Variants in GRID2 observed in about 807,000 individuals in gnomAD.
GRID2 encodes glutamate ionotropic receptor delta type subunit 2, also known as glutamate receptor ionotropic, delta-2.
In GRID2, 33 loss-of-function variants were observed where a neutral mutation model predicts 114.8. That is an observed-to-expected ratio of 0.29 (90% CI 0.22 to 0.38). GRID2 has a LOEUF of 0.38. Ranked by LOEUF, GRID2 falls within the 10% of genes least tolerant of loss-of-function variation. The probability of loss-of-function intolerance (pLI) is 1.00; values close to 1 mark genes in which losing one functional copy is unlikely to be tolerated. For synonymous variants in GRID2, 505 were observed against 449.9 expected (o/e 1.12, Z -1.55); for missense variants, 1,184 against 1,257.7 (o/e 0.94, Z 0.89).
chr4:93,799,003 C>A (rs1041814985), intron 1 of GRID2, among the ~76,000 whole-genome samples: 2 of 152,188 alleles, frequency 1.3e-5, no homozygotes, highest in Non-Finnish European at 2.9e-5. Flanking sequence ...CTCACTGAGG[C>A]TCAGAGAACA....
At chr4:93,412,235 C>A (rs548054125) in intron 9 of GRID2, among the ~76,000 whole-genome samples, 31 of 151,026 alleles carry the variant, frequency 2.1e-4, no homozygotes, top group East Asian at 1.6e-3. Flanking sequence ...CCCATCCCCC[C>A]CCCCCAAAAA....
chr4:93,187,428 A>G (rs1401076361), intron 4 of GRID2, among the ~76,000 whole-genome samples: 3 of 152,004 alleles, frequency 2.0e-5, no homozygotes, highest in African/African-American at 7.2e-5. Flanking sequence ...AGCATGTGCC[A>G]CCACACCCAA....
chr4:93,728,450 A>G (rs1003672367), intron 14 of GRID2, among the ~76,000 whole-genome samples: 5 of 152,138 alleles, frequency 3.3e-5, no homozygotes, highest in Non-Finnish European at 7.3e-5. Context: ...TGCTGAAAAA[A>G]ATGTATATTC....
At chr4:93,570,938 C>A (rs775716071) in intron 13 of GRID2, among the ~76,000 whole-genome samples, 2 of 152,128 alleles carry the variant, frequency 1.3e-5, no homozygotes, top group Admixed American at 6.6e-5. Flanking sequence ...CTAAAGAAAA[C>A]TACTTCCCTC....
chr4:92,493,448 T>C (rs1052647301), intron 1 of GRID2, among the ~76,000 whole-genome samples: 6 of 152,170 alleles, frequency 3.9e-5, no homozygotes, highest in African/African-American at 1.4e-4. Context: ...CATAAAATTC[T>C]AAAGCTACTT....
At chr4:93,421,934 CATGA>C (rs1316130846) in intron 9 of GRID2, among the ~76,000 whole-genome samples, 1 of 151,662 alleles carries the variant, frequency 6.6e-6, no homozygotes, top group Non-Finnish European at 1.5e-5. Context: ...CTACATACAC[CATGA>C]ATGGTTATCT....
intron 2 of GRID2, among the ~76,000 whole-genome samples, chr4:93,075,883 C>CTCTTTTTTTTTT (rs1490779668): frequency 3.9e-5 from 3 of 76,608 alleles, no homozygotes; most frequent in African/African-American, 1.6e-4. Context: ...AGTTACCTCT[C>CTCTTTTTTTTTT]TTTTTTTTTT....
At chr4:93,014,956 A>G (rs181908520) in intron 2 of GRID2, among the ~76,000 whole-genome samples, 2 of 152,254 alleles carry the variant, frequency 1.3e-5, no homozygotes, top group Non-Finnish European at 2.9e-5. Context: ...GGAAAAATAA[A>G]AAGATGGTGA....
intron 2 of GRID2, among the ~76,000 whole-genome samples, chr4:92,866,264 A>T (rs1327215688): frequency 6.6e-6 from 1 of 152,162 alleles, no homozygotes; most frequent in East Asian, 1.9e-4. Context: ...TCTCTGATAC[A>T]CTCTTACCCA....
At chr4:93,796,291 C>T (rs1734798662) in intron 1 of GRID2, among the ~76,000 whole-genome samples, 1 of 152,102 alleles carries the variant, frequency 6.6e-6, no homozygotes, top group South Asian at 2.1e-4. Context: ...ACAAGTCTTC[C>T]CTACACGCAA....
At chr4:92,801,479 G>A (rs547046230) in intron 2 of GRID2, among the ~76,000 whole-genome samples, 2 of 151,864 alleles carry the variant, frequency 1.3e-5, no homozygotes, top group Admixed American at 6.6e-5. Flanking sequence ...ACTGCAGAGT[G>A]TACCTTTTCT....
intron 8 of GRID2, among the ~76,000 whole-genome samples, chr4:93,304,527 GA>G (rs1755214452): frequency 6.6e-6 from 1 of 151,752 alleles, no homozygotes; most frequent in African/African-American, 2.4e-5. Context: ...CAATAAGAAT[GA>G]AAAAAACAAT....
intron 1 of GRID2, among the ~76,000 whole-genome samples, chr4:92,434,712 CAAATT>C (rs1732645712): frequency 2.0e-5 from 3 of 151,638 alleles, no homozygotes; most frequent in Non-Finnish European, 2.9e-5. Context: ...AAATGAATAG[CAAATT>C]AAATAAAGCA....
chr4:93,599,631 T>C (rs986870910), intron 13 of GRID2, among the ~76,000 whole-genome samples: 3 of 152,206 alleles, frequency 2.0e-5, no homozygotes, highest in African/African-American at 7.2e-5. Flanking sequence ...AATGTTATGT[T>C]CTGATTCCAG....
intron 13 of GRID2, among the ~76,000 whole-genome samples, chr4:93,588,518 C>T (rs1054672262): frequency 6.6e-6 from 1 of 152,110 alleles, no homozygotes; most frequent in African/African-American, 2.4e-5. Flanking sequence ...AGTAACTATT[C>T]AAGGGAGAAG....
At chr4:93,716,392 G>T (rs1229018830) in intron 14 of GRID2, among the ~76,000 whole-genome samples, 1 of 152,138 alleles carries the variant, frequency 6.6e-6, no homozygotes. Flanking sequence ...CTCTAGGTCA[G>T]CTGTGCCAGT....
chr4:92,941,888 T>C lies in GRID2; in HGVS notation c.245-143107T>C, dbSNP rs192904248. On this transcript the variant is annotated intron_variant, in intron 2 of 15. Transcript: ENST00000282020. ...ATGTAGTTGAGTGGTTTTGAGTGAC[T>C]TTCTTCATCCTGAGTTCTAGTTTGA... 1.5e-3 allele frequency among the ~76,000 whole-genome samples: 233 copies of C among 152,336 alleles called. 1 individual carries two copies. The highest frequency in any genetic ancestry group is 2.8e-3 in the Non-Finnish European group (191 of 68,024).
chr4:92,662,330 C>G (rs542954136), intron 2 of GRID2, among the ~76,000 whole-genome samples: 8 of 150,768 alleles, frequency 5.3e-5, no homozygotes, highest in African/African-American at 9.7e-5. Context: ...ATTATGGTGG[C>G]GCTCCAAAAA....
chr4:92,324,523 T>C (rs1204875855), intron 1 of GRID2, among the ~76,000 whole-genome samples: 1 of 151,924 alleles, frequency 6.6e-6, no homozygotes, highest in Non-Finnish European at 1.5e-5. Flanking sequence ...GCATAGCCTA[T>C]AACATGTTCT....
Sources: allele counts gnomAD v4.1 joint callset (sites outside exome capture counted in the v4.1 genomes callset), GRCh38; gene constraint gnomAD v4.1.1; transcripts MANE v1.5; gene names NCBI Gene and HGNC (gene_info 2026-07-23, HGNC 2026-07-21).